The following TBL1X variants were observed in gnomAD, a reference collection of about 807,000 sequenced individuals.
TBL1X encodes transducin beta like 1 X-linked, also known as F-box-like/WD repeat-containing protein TBL1X.
In TBL1X, 10 loss-of-function variants were observed where a neutral mutation model predicts 50.7. The observed-to-expected ratio is 0.20, with a 90% CI of 0.12 to 0.33. The LOEUF (loss-of-function observed/expected upper bound fraction) is 0.33. TBL1X is among the 10% of genes least tolerant of loss of function. The pLI is 1.00. For missense variants in TBL1X, 340 were observed against 504.4 expected (o/e 0.67, Z 3.12); for synonymous variants, 190 against 214.7 (o/e 0.88, Z 1.01).
At chrX:9,582,625 A>G (rs972443076) in intron 2 of TBL1X, among the ~76,000 whole-genome samples, 4 of 112,539 alleles carry the variant, frequency 3.6e-5, no homozygotes, top group African/African-American at 1.3e-4. Flanking sequence ...ATAAGCCACT[A>G]TGCAGTGGCA....
chrX:9,620,125 G>A (rs2082659204), intron 2 of TBL1X, among the ~76,000 whole-genome samples: 1 of 111,824 alleles, frequency 8.9e-6, no homozygotes, highest in Non-Finnish European at 1.9e-5. Context: ...AAGTTGGGAG[G>A]GATGTGGTAC....
At chrX:9,674,885 CT>C (rs772982515) in intron 5 of TBL1X, among the ~76,000 whole-genome samples, 1 of 111,707 alleles carries the variant, frequency 9.0e-6, no homozygotes, top group East Asian at 2.8e-4. Flanking sequence ...CAGTGCCAAT[CT>C]TAGTTCTTTG....
intron 2 of TBL1X, among the ~76,000 whole-genome samples, chrX:9,625,351 A>G (rs1446272140): frequency 8.9e-6 from 1 of 112,017 alleles, no homozygotes; most frequent in Non-Finnish European, 1.9e-5. Flanking sequence ...CTATATTTTA[A>G]TATGTGAATT....
intron 2 of TBL1X, among the ~76,000 whole-genome samples, chrX:9,509,482 C>CTTTTTTT (rs63110360): frequency 1.1e-4 from 7 of 63,551 alleles, no homozygotes; most frequent in Non-Finnish European, 1.4e-4. Flanking sequence ...TACAGAATCG[C>CTTTTTTT]TTTTTTTTTT....
At chrX:9,609,508 C>T (rs1397402821) in intron 2 of TBL1X, among the ~76,000 whole-genome samples, 2 of 110,480 alleles carry the variant, frequency 1.8e-5, no homozygotes, top group Admixed American at 1.9e-4. Context: ...CATCCAGCAA[C>T]ATCGATTGAA....
chrX:9,583,681 G>A (rs966194063), intron 2 of TBL1X, among the ~76,000 whole-genome samples: 5 of 112,294 alleles, frequency 4.5e-5, no homozygotes, highest in South Asian at 3.7e-4. Flanking sequence ...GAAGGTAGCC[G>A]TGAATTACCT....
At chrX:9,642,247 T>A (rs1167419847) in intron 3 of TBL1X, among the ~76,000 whole-genome samples, 1 of 111,916 alleles carries the variant, frequency 8.9e-6, no homozygotes, top group Non-Finnish European at 1.9e-5. Flanking sequence ...CAGTCATTTA[T>A]ACATGACTGA....
chrX:9,700,727 T>C (rs769845044), intron 12 of TBL1X, among the ~76,000 whole-genome samples: 2 of 111,318 alleles, frequency 1.8e-5, no homozygotes. Context: ...CTTGCCCCAC[T>C]AGCTTTTCCC....
intron 5 of TBL1X, among the ~76,000 whole-genome samples, chrX:9,665,479 G>C (rs1282540138): frequency 2.4e-5 from 1 of 41,567 alleles, no homozygotes; most frequent in Non-Finnish European, 4.2e-5. Flanking sequence ...ATTAAAAACT[G>C]ATATTCAAGC....
chrX:9,528,307 A>C (rs2082142462), intron 2 of TBL1X, among the ~76,000 whole-genome samples: 1 of 111,198 alleles, frequency 9.0e-6, no homozygotes, highest in Non-Finnish European at 1.9e-5. Context: ...CCCATGTTGT[A>C]GCCTGTGTCA....
At chrX:9,652,744 G>A (rs1217329332) in intron 3 of TBL1X, among the ~76,000 whole-genome samples, 7 of 110,178 alleles carry the variant, frequency 6.4e-5, no homozygotes, top group Non-Finnish European at 1.1e-4. Flanking sequence ...ACAGCTACCC[G>A]GGAGGCTGAG....
chrX:9,550,731 G>C (rs1048037080), intron 2 of TBL1X, among the ~76,000 whole-genome samples: 2 of 112,388 alleles, frequency 1.8e-5, no homozygotes, highest in Non-Finnish European at 3.8e-5. Context: ...GATTGTTCTG[G>C]TTTCAAGGAC....
intron 2 of TBL1X, among the ~76,000 whole-genome samples, chrX:9,581,093 AT>A: frequency 9.0e-6 from 1 of 111,700 alleles, no homozygotes; most frequent in Middle Eastern, 4.6e-3. Flanking sequence ...TATGATTGTC[AT>A]TGTTATTAAA....
At position 9,713,667 on chromosome X, in the gene TBL1X, A is replaced by G. The variant is rs762207606; in HGVS notation, c.1606-1235A>G. 7.2e-5 allele frequency among the ~76,000 whole-genome samples: 8 copies of G among 110,951 alleles called. No individual in the cohort carries two copies. The South Asian group carries it at 1.5e-3, about 21-fold the overall frequency. The stretch of plus-strand genomic sequence containing the variant: ...GGTGTTGAACTCCTGACCCCAGGCA[A>G]TCTACCCACCTCGGCCTCCCAAAGT... On this transcript the variant is annotated intron_variant, in intron 16 of 17. Transcript: ENST00000645353.
In TBL1X at chrX:9,691,833, C is replaced by T. The variant is rs978191899; in HGVS notation, c.749+122C>T. ...TCCCCTTCTTACCCCGGTGTGTGGG[C>T]AGACCAAGGAATGGGTGGCTCTATG... On this transcript the variant is annotated intron_variant, in intron 8 of 17. Coordinates refer to ENST00000645353, the MANE Select transcript of TBL1X (RefSeq NM_005647.4). 7 of 981,413 alleles carry T rather than the reference C, an allele frequency of 7.1e-6. No homozygotes were observed. The African/African-American group carries it at 1.4e-4, about 19-fold the overall frequency. The allele number at this position is 981,413 out of a possible 1,213,427, so 80.9% of individuals were successfully genotyped here.
At chrX:9,706,785 C>G (rs770144527) in intron 13 of TBL1X, among the ~76,000 whole-genome samples, 1 of 111,571 alleles carries the variant, frequency 9.0e-6, no homozygotes, top group East Asian at 2.8e-4. Context: ...CCCTGTGCCT[C>G]TGTCCTCCTA....
intron 3 of TBL1X, among the ~76,000 whole-genome samples, chrX:9,651,201 CG>C (rs2082833420): frequency 9.1e-6 from 1 of 109,411 alleles, no homozygotes; most frequent in African/African-American, 3.3e-5. Flanking sequence ...CTAGTTTTTT[CG>C]TTTGTTTGTT....
chrX:9,518,654 T>C (rs1405015705), intron 2 of TBL1X, among the ~76,000 whole-genome samples: 1 of 111,658 alleles, frequency 9.0e-6, no homozygotes, highest in Non-Finnish European at 1.9e-5. Flanking sequence ...GGGTCACCTC[T>C]GTGCAGGGCA....
intron 2 of TBL1X, among the ~76,000 whole-genome samples, chrX:9,583,878 G>A (rs2082454749): frequency 8.9e-6 from 1 of 111,893 alleles, no homozygotes; most frequent in South Asian, 3.7e-4. Flanking sequence ...GATACATGAA[G>A]AACTCCTATA....
Sources: allele counts gnomAD v4.1 joint callset (sites outside exome capture counted in the v4.1 genomes callset), GRCh38; gene constraint gnomAD v4.1.1; transcripts MANE v1.5; gene names NCBI Gene and HGNC (gene_info 2026-07-23, HGNC 2026-07-21).